The following COLGALT1 variants were observed in gnomAD, a reference collection of about 807,000 sequenced individuals.
The protein encoded by COLGALT1 is collagen beta(1-O)galactosyltransferase 1, also known as procollagen galactosyltransferase 1.
COLGALT1 carries 43 observed loss-of-function variants against 60.8 expected under a neutral mutation model. The ratio of observed to expected loss-of-function variants is 0.71; its 90% CI spans 0.55 to 0.91. The LOEUF (loss-of-function observed/expected upper bound fraction) is 0.91. COLGALT1 is among the 40% of genes least tolerant of loss of function. COLGALT1 has a pLI of 0.00. For synonymous variants in COLGALT1, 369 were observed against 374.2 expected, an observed-to-expected ratio of 0.99 and a Z score of 0.16; for missense variants, 845 against 880.0, an observed-to-expected ratio of 0.96 and a Z score of 0.50.
intron 1 of COLGALT1, among the ~76,000 whole-genome samples, chr19:17,559,002 T>C (rs2076231759): frequency 6.6e-6 from 1 of 151,508 alleles, no homozygotes; most frequent in Non-Finnish European, 1.5e-5. Flanking sequence ...CTACTAAAAA[T>C]ACAAAAAAAT....
intron 4 of COLGALT1, 111 bp from the exon 5 acceptor site, chr19:17,568,398 C>A: frequency 1.1e-6 from 1 of 936,972 alleles, no homozygotes; most frequent in Non-Finnish European, 1.7e-6. Context: ...CACAGGCGCA[C>A]ACTGCTGTGC....
chr19:17,556,498 G>T (rs2076212702), intron 1 of COLGALT1: 5 of 984,256 alleles, frequency 5.1e-6, no homozygotes, highest in African/African-American at 3.5e-5. Context: ...AGACCGGCGT[G>T]GGTGGAGTCC....
intron 10 of COLGALT1, 42 bp from the exon 11 acceptor site, chr19:17,580,657 G>C (rs759864863): frequency 6.3e-7 from 1 of 1,599,868 alleles, no homozygotes; most frequent in Admixed American, 1.7e-5. Context: ...AGCTCCCTCC[G>C]GAGGGCGGGA....
intron 3 of COLGALT1, chr19:17,565,965 G>C (rs747185577): frequency 3.9e-5 from 6 of 152,132 alleles, no homozygotes; most frequent in Non-Finnish European, 8.8e-5. Flanking sequence ...GTTGCCAGGG[G>C]ATACTGGAAT....
chr19:17,562,838 G>A (rs2076257274), intron 3 of COLGALT1, among the ~76,000 whole-genome samples: 1 of 152,148 alleles, frequency 6.6e-6, no homozygotes, highest in South Asian at 2.1e-4. Context: ...AGGTGCCAGG[G>A]AGAGAGGAAC....
At chr19:17,570,342 C>T (rs185442706) in intron 5 of COLGALT1, among the ~76,000 whole-genome samples, 1 of 152,110 alleles carries the variant, frequency 6.6e-6, no homozygotes, top group African/African-American at 2.4e-5. Context: ...TGGGCTCAAG[C>T]AATCCTCTCA....
At position 17,577,208 on chromosome 19, in the gene COLGALT1, C is replaced by A. The variant is rs771986234; in HGVS notation, c.963C>A (p.Pro321=). 1 of 1,613,064 alleles carries A rather than the reference C, an allele frequency of 6.2e-7. No homozygotes were observed. Among genetic ancestry groups the A allele is most frequent in the Non-Finnish European group, 8.5e-7 (1 of 1,179,596 alleles). ...VQLEVMVKHP[P]AEPSRFISAP... The stretch of plus-strand genomic sequence containing the variant: ...TGTGCCCCACAGTGAAGCACCCGCC[C>A]GCAGAGCCCTCCCGCTTCATCTCGG... Residue 321 remains proline (P), a synonymous_variant, in exon 7 of 12, where the codon CCC becomes CCA. Coordinates refer to ENST00000252599, the MANE Select transcript of COLGALT1 (RefSeq NM_024656.4).
At chr19:17,567,897 C>T (rs900511244) in intron 4 of COLGALT1, among the ~76,000 whole-genome samples, 7 of 152,030 alleles carry the variant, frequency 4.6e-5, no homozygotes, top group South Asian at 2.1e-4. Context: ...TGCAGTGAGC[C>T]GAGATCACGC....
chr19:17,568,879 C>T (rs2076295901), intron 5 of COLGALT1, among the ~76,000 whole-genome samples, 166 bp downstream of exon 5: 1 of 152,174 alleles, frequency 6.6e-6, no homozygotes, highest in African/African-American at 2.4e-5. Context: ...GTCTCCAGGA[C>T]CCCGTTTCTC....
At chr19:17,563,071 G>A (rs1450573430) in intron 3 of COLGALT1, among the ~76,000 whole-genome samples, 1 of 151,938 alleles carries the variant, frequency 6.6e-6, no homozygotes, top group South Asian at 2.1e-4. Flanking sequence ...TTTTGCTTTT[G>A]TGGTTTGAGG....
intron 6 of COLGALT1, among the ~76,000 whole-genome samples, chr19:17,576,572 T>G (rs1302120375): frequency 2.7e-5 from 3 of 113,088 alleles, no homozygotes; most frequent in African/African-American, 3.5e-5. Context: ...CGGCTGAGAG[T>G]CGGGGCTGGG....
chr19:17,575,206 C>T (rs1298347997), intron 6 of COLGALT1, among the ~76,000 whole-genome samples: 1 of 151,998 alleles, frequency 6.6e-6, no homozygotes, highest in Non-Finnish European at 1.5e-5. Context: ...CTTGCCACCA[C>T]GCCTGGCTAA....
At chr19:17,559,623 C>G (rs994642301) in intron 2 of COLGALT1, among the ~76,000 whole-genome samples, 87 of 152,146 alleles carry the variant, frequency 5.7e-4, no homozygotes, top group African/African-American at 2.1e-3. Context: ...CCAAGCCGTT[C>G]CCTGTACCTA....
chr19:17,565,069 C>T (rs1202005593), intron 3 of COLGALT1, among the ~76,000 whole-genome samples: 1 of 152,164 alleles, frequency 6.6e-6, no homozygotes, highest in Non-Finnish European at 1.5e-5. Flanking sequence ...ATGGCTGACT[C>T]TTATTCCGTT....
At chr19:17,568,408 C>A in intron 4 of COLGALT1, 101 bp from the exon 5 acceptor site, 1 of 1,028,172 alleles carries the variant, frequency 9.7e-7, no homozygotes, top group Non-Finnish European at 1.5e-6. Context: ...CACTGCTGTG[C>A]CTGGCTGTCT....
chr19:17,558,572 G>A (rs2076228692), intron 1 of COLGALT1, among the ~76,000 whole-genome samples: 1 of 151,668 alleles, frequency 6.6e-6, no homozygotes, highest in Non-Finnish European at 1.5e-5. Context: ...CAGCTACTCG[G>A]GAGGCTGAGG....
intron 6 of COLGALT1, among the ~76,000 whole-genome samples, chr19:17,573,637 G>A (rs761843965): frequency 8.5e-5 from 13 of 152,152 alleles, no homozygotes; most frequent in African/African-American, 2.2e-4. Flanking sequence ...GTTGGAGGCC[G>A]CAGTGAGCCA....
At chr19:17,578,774 G>A (rs2076360526) in intron 9 of COLGALT1, among the ~76,000 whole-genome samples, 1 of 152,202 alleles carries the variant, frequency 6.6e-6, no homozygotes, top group South Asian at 2.1e-4. Flanking sequence ...ACTTTGGGAG[G>A]CCGAGGCAGG....
At chr19:17,580,127 C>T in intron 10 of COLGALT1, 1 of 189,188 alleles carries the variant, frequency 5.3e-6, no homozygotes. Flanking sequence ...GTGGTCAGAG[C>T]TGGAGGTGTG....
Sources: gnomAD v4.1 joint callset for allele counts (sites outside exome capture counted in the v4.1 genomes callset) on GRCh38, gnomAD v4.1.1 for gene constraint, MANE v1.5 for transcripts, NCBI Gene and HGNC (gene_info 2026-07-23, HGNC 2026-07-21) for gene names.